ZNF66: variants seen among roughly 807,000 people sequenced by gnomAD.
ZNF66 encodes putative zinc finger protein 66.
ZNF66 carries 32 observed loss-of-function variants against 35.2 expected under a neutral mutation model. The observed-to-expected ratio is 0.91, with a 90% CI of 0.69 to 1.22. The LOEUF (loss-of-function observed/expected upper bound fraction) is 1.22. Among genes scored for constraint, ZNF66 ranks in the 50% most tolerant of loss-of-function variants. The probability of loss-of-function intolerance (pLI) is 0.00; values close to 1 mark genes in which losing one functional copy is unlikely to be tolerated. For missense variants in ZNF66, 666 were observed against 543.1 expected (o/e 1.23, Z -2.25); for synonymous variants, 231 against 181.3 (o/e 1.27, Z -2.20).
chr19:20,789,867 A>G (rs185735682), intron 1 of ZNF66, among the ~76,000 whole-genome samples: 1 of 152,252 alleles, frequency 6.6e-6, no homozygotes, highest in East Asian at 1.9e-4. Flanking sequence ...TAAACATTGC[A>G]TTAGTACATG....
chr19:20,788,288 A>G (rs1971305982), intron 1 of ZNF66, among the ~76,000 whole-genome samples: 2 of 151,990 alleles, frequency 1.3e-5, no homozygotes, highest in Non-Finnish European at 2.9e-5. Context: ...ATAAATAATT[A>G]TGCATCATAT....
intron 1 of ZNF66, among the ~76,000 whole-genome samples, chr19:20,786,893 C>T (rs766432056): frequency 1.2e-4 from 18 of 152,154 alleles, no homozygotes; most frequent in Non-Finnish European, 2.5e-4. Context: ...TCCCCAGTAG[C>T]TGGGATTACA....
chr19:20,807,006 C>G lies in ZNF66; in HGVS notation c.1406C>G (p.Thr469Ser), dbSNP rs760389925. ...GKAFNRSSNLTKHKKIHTGEK... is the reference protein window; with the variant it reads ...GKAFNRSSNLSKHKKIHTGEK... The stretch of plus-strand genomic sequence containing the variant: ...GCCTTTAACCGCTCCTCTAACCTTA[C>G]TAAACACAAGAAAATTCATACTGGA... The change falls in exon 4 of 4, where the codon ACT becomes AGT. Residue 469 changes from threonine to serine, a missense_variant. Thr to Ser is a moderately conservative substitution (Grantham distance 58, BLOSUM62 1). Coordinates refer to ENST00000344519, the MANE Select transcript of ZNF66 (RefSeq NM_001355197.2). 32 of 943,424 alleles carry G rather than the reference C, an allele frequency of 3.4e-5. 1 individual carries two copies. In the Admixed American group the frequency reaches 5.6e-4, roughly 16 times the overall value. The allele number at this position is 943,424 out of a possible 1,614,324, so 58.4% of individuals were successfully genotyped here. A position where few individuals can be genotyped will look rare whatever the true frequency, so the allele number is the denominator to read the frequency against.
At chr19:20,784,460 A>C (rs1488600482) in intron 1 of ZNF66, 1 of 152,188 alleles carries the variant, frequency 6.6e-6, no homozygotes, top group Non-Finnish European at 1.5e-5. Context: ...ATTTCACTAA[A>C]TTGGTATGTT....
rs1230188443 is a variant in ZNF66, at chr19:20,808,399, C to T, written c.*1077C>T. Among the ~76,000 whole-genome samples the T allele has an allele frequency of 6.6e-6, 1 of 152,190 alleles. No homozygotes were observed. Among genetic ancestry groups the T allele is most frequent in the Non-Finnish European group, 1.5e-5 (1 of 68,044 alleles). Reference sequence around the variant, plus strand: ...AGATCTGAGAACGGGCAGACTGCCTCCTCAAGTGGGTCTCTGACCCCCGAG... The same window carrying T: ...AGATCTGAGAACGGGCAGACTGCCTTCTCAAGTGGGTCTCTGACCCCCGAG... On this transcript the variant is annotated 3_prime_UTR_variant, in exon 4 of 4. Transcript: ENST00000344519.
At chr19:20,804,059 A>G (rs1599555291) in intron 3 of ZNF66, among the ~76,000 whole-genome samples, 2 of 152,076 alleles carry the variant, frequency 1.3e-5, no homozygotes, top group African/African-American at 2.4e-5. Context: ...TGTGTTTGTT[A>G]TAAATATCTT....
chr19:20,777,260 A>T (rs1971204045), intron 1 of ZNF66, among the ~76,000 whole-genome samples: 1 of 152,030 alleles, frequency 6.6e-6, no homozygotes, highest in South Asian at 2.1e-4. Context: ...AAAGACATTT[A>T]TAAAATGCAT....
chr19:20,801,510 A>G (rs1971447177), intron 3 of ZNF66, among the ~76,000 whole-genome samples: 1 of 151,758 alleles, frequency 6.6e-6, no homozygotes, highest in Admixed American at 6.6e-5. Flanking sequence ...CACCTGGCTA[A>G]TTTTTTGCAT....
rs184964837 is a variant in ZNF66 at position 20,780,101 on chromosome 19, G to T, written c.3+3651G>T. Among the ~76,000 whole-genome samples the T allele has an allele frequency of 6.2e-5, 9 of 145,044 alleles. No individual in the cohort carries two copies. In the East Asian group the frequency reaches 1.8e-3, roughly 28 times the overall value. ...ACTCCAGCCTGGGTGACAAAGTGAA[G>T]AAATTATTTTGAGCACTGAAGACAA... On this transcript the variant is annotated intron_variant, in intron 1 of 3. Coordinates refer to ENST00000344519, the MANE Select transcript of ZNF66 (RefSeq NM_001355197.2).
At chr19:20,803,724 G>A (rs397742) in intron 3 of ZNF66, among the ~76,000 whole-genome samples, 14,125 of 151,968 alleles carry the variant, frequency 0.093, 665 homozygotes, top group Middle Eastern at 0.11. Context: ...CTTTCACCAT[G>A]TTATTTTCAG....
intron 3 of ZNF66, 178 bp downstream of exon 3, chr19:20,794,056 G>A: frequency 3.5e-6 from 2 of 573,944 alleles, no homozygotes; most frequent in South Asian, 2.2e-5. Flanking sequence ...TCACAAAGGG[G>A]CATATTGTCT....
intron 3 of ZNF66, among the ~76,000 whole-genome samples, chr19:20,797,525 TA>T (rs1465148552): frequency 6.7e-6 from 1 of 149,648 alleles, no homozygotes; most frequent in African/African-American, 2.5e-5. Flanking sequence ...AGTAAACATT[TA>T]TTATTGTTTT....
At chr19:20,795,457 T>G (rs3926977) in intron 3 of ZNF66, among the ~76,000 whole-genome samples, 57,869 of 151,124 alleles carry the variant, frequency 0.38, 11,617 homozygotes, top group East Asian at 0.46. Flanking sequence ...AACCTCCGCC[T>G]CTTGGGTTCC....
At chr19:20,778,782 CAAAAA>C (rs561812056) in intron 1 of ZNF66, among the ~76,000 whole-genome samples, 1 of 85,364 alleles carries the variant, frequency 1.2e-5, no homozygotes, top group African/African-American at 4.3e-5. Flanking sequence ...GACTTCGTCT[CAAAAA>C]AAAAAAAAAA....
intron 1 of ZNF66, chr19:20,784,921 TTGTC>T (rs1272472362): frequency 6.5e-6 from 1 of 153,300 alleles, no homozygotes; most frequent in Non-Finnish European, 1.5e-5. Context: ...CTCCAATGCT[TTGTC>T]TGTTTCAGAA....
chr19:20,783,608 A>G (rs1971262854), intron 1 of ZNF66, among the ~76,000 whole-genome samples: 1 of 152,234 alleles, frequency 6.6e-6, no homozygotes, highest in Non-Finnish European at 1.5e-5. Flanking sequence ...CAAAGATAAA[A>G]TTAAATTTAG....
At chr19:20,803,698 G>C (rs1281191403) in intron 3 of ZNF66, among the ~76,000 whole-genome samples, 1 of 152,002 alleles carries the variant, frequency 6.6e-6, no homozygotes, top group East Asian at 1.9e-4. Flanking sequence ...ATTTTCATAT[G>C]ATTATGGGTT....
intron 1 of ZNF66, among the ~76,000 whole-genome samples, chr19:20,779,006 C>T (rs1274642477): frequency 2.0e-5 from 3 of 152,104 alleles, no homozygotes; most frequent in Admixed American, 6.6e-5. Flanking sequence ...GGGAGCCTCC[C>T]GTGCAGGTGT....
At chr19:20,776,475 G>C in intron 1 of ZNF66, 25 bp downstream of exon 1, 1 of 1,538,398 alleles carries the variant, frequency 6.5e-7, no homozygotes, top group Non-Finnish European at 9.0e-7. Context: ...CCAGCATCCC[G>C]AGAGAGGTGA....
Sources: allele counts gnomAD v4.1 joint callset (sites outside exome capture counted in the v4.1 genomes callset), GRCh38; gene constraint gnomAD v4.1.1; transcripts MANE v1.5; gene names NCBI Gene and HGNC (gene_info 2026-07-23, HGNC 2026-07-21).